Variants in BICC1 observed in about 807,000 individuals in gnomAD.
BICC1 encodes BicC family RNA binding protein 1, also known as protein bicaudal C homolog 1.
A neutral mutation model predicts 111.0 loss-of-function variants in BICC1; 43 were observed. That is an observed-to-expected ratio of 0.39 (90% CI 0.30 to 0.50). The LOEUF (loss-of-function observed/expected upper bound fraction) is 0.50. Among genes scored for constraint, BICC1 ranks in the 20% least tolerant of loss-of-function variants. BICC1 has a pLI of 0.88. For synonymous variants in BICC1, 467 were observed against 434.4 expected (o/e 1.07, Z -0.93); for missense variants, 1,091 against 1,203.2 (o/e 0.91, Z 1.38).
chr10:58,690,299 T>A (rs376100779), intron 2 of BICC1, among the ~76,000 whole-genome samples: 2 of 86,530 alleles, frequency 2.3e-5, no homozygotes, highest in East Asian at 4.8e-4. Context: ...GTGAAAGAGA[T>A]ACATTTTTCT....
chr10:58,789,237 T>G, intron 6 of BICC1, 25 bp from the exon 7 acceptor site: 1 of 1,596,422 alleles, frequency 6.3e-7, no homozygotes, highest in Non-Finnish European at 8.6e-7. Flanking sequence ...ACTCTCTGCT[T>G]TGGATTCTCA....
intron 3 of BICC1, among the ~76,000 whole-genome samples, chr10:58,707,902 G>T (rs1840439278): frequency 6.6e-6 from 1 of 152,110 alleles, no homozygotes. Flanking sequence ...TCTCCATGTT[G>T]GTCAGGCTGG....
intron 3 of BICC1, among the ~76,000 whole-genome samples, chr10:58,738,982 G>T (rs1465465742): frequency 6.6e-6 from 1 of 151,802 alleles, no homozygotes; most frequent in Non-Finnish European, 1.5e-5. Flanking sequence ...AGGAGATTTG[G>T]GGCTGAGACA....
chr10:58,626,231 G>A (rs1267548053), intron 2 of BICC1, among the ~76,000 whole-genome samples: 2 of 152,162 alleles, frequency 1.3e-5, no homozygotes, highest in Admixed American at 6.5e-5. Flanking sequence ...GATCATCAAT[G>A]TGCGTCATTA....
intron 1 of BICC1, among the ~76,000 whole-genome samples, chr10:58,549,566 G>A (rs1649062): frequency 0.46 from 69,791 of 150,640 alleles, 17,124 homozygotes; most frequent in Admixed American, 0.63. Context: ...GCATCTTTTC[G>A]TATGCTTATT....
In BICC1 at chr10:58,727,938, TA is replaced by T. The variant is rs978328604; in HGVS notation, c.307+25801del. 1.1e-4 allele frequency among the ~76,000 whole-genome samples: 16 copies of T among 152,220 alleles called. 1 individual carries two copies. Among genetic ancestry groups the T allele is most frequent in the African/African-American group, 3.9e-4 (16 of 41,464 alleles). ...TAAGTGTGCAATAGCATTGTGTCTTTAAAAAATGTACATACTTTAATTAAAA... is the reference window on the plus strand; with the variant it reads ...TAAGTGTGCAATAGCATTGTGTCTTTAAAAATGTACATACTTTAATTAAAA... On this transcript the variant is annotated intron_variant, in intron 3 of 20. Transcript: ENST00000373886.
chr10:58,587,183 T>G (rs1360238879), intron 1 of BICC1, among the ~76,000 whole-genome samples: 1 of 152,180 alleles, frequency 6.6e-6, no homozygotes, highest in Non-Finnish European at 1.5e-5. Flanking sequence ...TCTTCTTCTG[T>G]GTTCATGCAT....
At chr10:58,701,172 A>G (rs979852776) in intron 2 of BICC1, among the ~76,000 whole-genome samples, 2 of 152,224 alleles carry the variant, frequency 1.3e-5, no homozygotes, top group Non-Finnish European at 2.9e-5. Context: ...ATCCATATTA[A>G]AGATAAATAT....
intron 2 of BICC1, among the ~76,000 whole-genome samples, chr10:58,676,425 C>T (rs904968072): frequency 2.0e-5 from 3 of 152,090 alleles, no homozygotes; most frequent in Non-Finnish European, 2.9e-5. Flanking sequence ...CTGGGATGCT[C>T]GAGCTTGGTA....
At chr10:58,764,272 G>A (rs1842397624) in intron 3 of BICC1, among the ~76,000 whole-genome samples, 1 of 152,110 alleles carries the variant, frequency 6.6e-6, no homozygotes, top group Non-Finnish European at 1.5e-5. Flanking sequence ...CAGAAACACT[G>A]TTTCTTCAGA....
chr10:58,799,131 T>C lies in BICC1; in HGVS notation c.1604T>C (p.Val535Ala). 6 of 1,613,844 alleles carry C rather than the reference T, an allele frequency of 3.7e-6. No homozygotes were observed. Among genetic ancestry groups the C allele is most frequent in the East Asian group, 2.2e-5 (1 of 44,846 alleles). Residue 535 changes from valine (V) to alanine (A), a missense_variant, in exon 12 of 21, where the codon GTG (valine) becomes GCG (alanine). Val to Ala is a moderately conservative substitution (Grantham distance 64, BLOSUM62 0). This residue lies in a region of BICC1 where 843 missense variants were observed against 900.8 expected (regional missense o/e 0.94). Transcript: ENST00000373886. ...TTAACTAATATTTTGTTGTCTGGAG[T>C]GCCCACCTATGGGCACACAGCTCCA... ...ATLTNILLSG[V>A]PTYGHTAPSP... is the part of the protein sequence containing the mutation.
intron 1 of BICC1, among the ~76,000 whole-genome samples, chr10:58,536,863 G>T (rs1485055334): frequency 2.6e-5 from 4 of 151,678 alleles, no homozygotes; most frequent in Non-Finnish European, 5.9e-5. Flanking sequence ...AAGTGAAAAT[G>T]GAGACATTAC....
At chr10:58,653,579 T>A (rs1838520551) in intron 2 of BICC1, among the ~76,000 whole-genome samples, 1 of 152,174 alleles carries the variant, frequency 6.6e-6, no homozygotes, top group South Asian at 2.1e-4. Context: ...TAGTTCAACA[T>A]GGAAAACTGC....
chr10:58,592,560 A>AC (rs1844656437), intron 1 of BICC1, among the ~76,000 whole-genome samples: 1 of 149,280 alleles, frequency 6.7e-6, no homozygotes, highest in Admixed American at 6.7e-5. Context: ...AAAATACAAA[A>AC]ATTAGATGGG....
intron 1 of BICC1, among the ~76,000 whole-genome samples, chr10:58,616,845 T>A (rs1313525690): frequency 6.6e-6 from 1 of 152,216 alleles, no homozygotes; most frequent in Non-Finnish European, 1.5e-5. Flanking sequence ...AGCCCCACCA[T>A]ATGTCATGGT....
chr10:58,653,243 G>A (rs1838508868), intron 2 of BICC1, among the ~76,000 whole-genome samples: 1 of 152,098 alleles, frequency 6.6e-6, no homozygotes, highest in Admixed American at 6.6e-5. Flanking sequence ...ACTGAGATGG[G>A]CAGAAGCAAA....
intron 3 of BICC1, among the ~76,000 whole-genome samples, chr10:58,734,350 G>T (rs1169482299): frequency 9.2e-5 from 14 of 152,198 alleles, no homozygotes; most frequent in Admixed American, 8.5e-4. Flanking sequence ...TTTTTGGCAT[G>T]TTTTAATTGT....
intron 2 of BICC1, among the ~76,000 whole-genome samples, chr10:58,632,433 C>A (rs893316655): frequency 6.6e-6 from 1 of 152,030 alleles, no homozygotes; most frequent in African/African-American, 2.4e-5. Flanking sequence ...GGGGCATACT[C>A]CAGAGGAGAA....
At chr10:58,626,095 A>G (rs1845983318) in intron 2 of BICC1, among the ~76,000 whole-genome samples, 2 of 152,214 alleles carry the variant, frequency 1.3e-5, no homozygotes, top group African/African-American at 2.4e-5. Context: ...ATACACGTAC[A>G]TGGCTCACAA....
Sources: gnomAD v4.1 joint callset for allele counts (sites outside exome capture counted in the v4.1 genomes callset) on GRCh38, gnomAD v4.1.1 for gene constraint, gnomAD v4.1.1 regional missense constraint, MANE v1.5 for transcripts, NCBI Gene and HGNC (gene_info 2026-07-23, HGNC 2026-07-21) for gene names.